EHBP1: variants seen among roughly 807,000 people sequenced by gnomAD.
EHBP1 encodes EH domain-binding protein 1.
In EHBP1, 55 loss-of-function variants were observed where a neutral mutation model predicts 144.0. The observed-to-expected ratio is 0.38, with a 90% CI of 0.31 to 0.48. The LOEUF (loss-of-function observed/expected upper bound fraction) is 0.48. EHBP1 is among the 20% of genes least tolerant of loss of function. The probability of loss-of-function intolerance (pLI) is 0.98; values close to 1 mark genes in which losing one functional copy is unlikely to be tolerated. For synonymous variants in EHBP1, 469 were observed against 472.7 expected, an observed-to-expected ratio of 0.99 and a Z score of 0.10; for missense variants, 1,200 against 1,364.2, an observed-to-expected ratio of 0.88 and a Z score of 1.90.
At chr2:62,787,397 C>CT (rs1027502155) in intron 5 of EHBP1, among the ~76,000 whole-genome samples, 1 of 106,070 alleles carries the variant, frequency 9.4e-6, no homozygotes, top group Non-Finnish European at 1.9e-5. Flanking sequence ...CACCGCTGCC[C>CT]CCCCCCCCCA....
chr2:62,726,434 T>C (rs1414523012), intron 2 of EHBP1, among the ~76,000 whole-genome samples: 2 of 152,210 alleles, frequency 1.3e-5, no homozygotes, highest in South Asian at 2.1e-4. Context: ...TCATCCCAGC[T>C]TCTGTGTCTT....
intron 21 of EHBP1, chr2:63,044,493 A>T (rs2061844733): frequency 6.6e-6 from 1 of 152,144 alleles, no homozygotes. Flanking sequence ...GAAAAATGCT[A>T]ATTAGCCGAT....
chr2:62,924,037 C>A (rs1276012748), intron 10 of EHBP1, among the ~76,000 whole-genome samples: 1 of 152,142 alleles, frequency 6.6e-6, no homozygotes, highest in African/African-American at 2.4e-5. Flanking sequence ...AGCTTGTACC[C>A]ATATCCCAAG....
Position 62,827,756 on chromosome 2 carries a change from C to G in EHBP1, c.494+1488C>G, listed in dbSNP as rs368026076. Among the ~76,000 whole-genome samples the G allele has an allele frequency of 6.6e-5, 10 of 152,140 alleles. No individual in the cohort carries two copies. The East Asian group carries it at 1.2e-3, about 18-fold the overall frequency. On this transcript the variant is annotated intron_variant, in intron 6 of 22. Transcript: ENST00000431489. ...GATCTCGGCTCACTGCAACCTCCAC[C>G]TCCTGGGTTCAAGTGATTTTCCTGC...
intron 10 of EHBP1, among the ~76,000 whole-genome samples, chr2:62,924,780 G>T (rs2055361153): frequency 6.6e-6 from 1 of 152,122 alleles, no homozygotes; most frequent in African/African-American, 2.4e-5. Flanking sequence ...CCTTAAAGAA[G>T]AATTAATACC....
intron 19 of EHBP1, among the ~76,000 whole-genome samples, chr2:63,015,175 A>T (rs1405089510): frequency 6.6e-6 from 1 of 152,164 alleles, no homozygotes; most frequent in African/African-American, 2.4e-5. Context: ...TCTTATCCTG[A>T]AAAATTATAT....
chr2:62,765,288 T>C (rs2041088425), intron 4 of EHBP1, among the ~76,000 whole-genome samples: 1 of 152,202 alleles, frequency 6.6e-6, no homozygotes, highest in Admixed American at 6.5e-5. Context: ...CTTGGTCTCA[T>C]TAAAATTATT....
At chr2:62,684,680 A>G (rs563143672) in intron 1 of EHBP1, among the ~76,000 whole-genome samples, 2 of 152,248 alleles carry the variant, frequency 1.3e-5, no homozygotes, top group Non-Finnish European at 1.5e-5. Flanking sequence ...TTTCATGCTA[A>G]AAAATATTAA....
chr2:63,018,148 C>A (rs910498852), intron 19 of EHBP1, among the ~76,000 whole-genome samples: 1 of 152,136 alleles, frequency 6.6e-6, no homozygotes, highest in African/African-American at 2.4e-5. Flanking sequence ...CAGAATGAGA[C>A]CTTGTCTCTA....
At chr2:62,957,834 G>A (rs560157975) in intron 14 of EHBP1, among the ~76,000 whole-genome samples, 17 of 151,702 alleles carry the variant, frequency 1.1e-4, no homozygotes, top group Non-Finnish European at 2.1e-4. Flanking sequence ...TTTTAGTAGA[G>A]ACAGGGTTTC....
chr2:62,883,409 G>T (rs138428990), intron 10 of EHBP1, among the ~76,000 whole-genome samples: 1 of 152,284 alleles, frequency 6.6e-6, no homozygotes, highest in Non-Finnish European at 1.5e-5. Flanking sequence ...GAGAAGTTTA[G>T]CACCATGCTT....
At chr2:62,709,275 G>T (rs1396173671) in intron 2 of EHBP1, among the ~76,000 whole-genome samples, 1 of 152,114 alleles carries the variant, frequency 6.6e-6, no homozygotes, top group Non-Finnish European at 1.5e-5. Flanking sequence ...GCAAGATGGG[G>T]ATGAGGGAGA....
intron 3 of EHBP1, among the ~76,000 whole-genome samples, chr2:62,747,819 T>G (rs1370885629): frequency 6.6e-6 from 1 of 151,912 alleles, no homozygotes; most frequent in African/African-American, 2.4e-5. Context: ...TAAGAAGTGA[T>G]TAGGGTAAGG....
At position 62,865,062 on chromosome 2, in the gene EHBP1, T is replaced by C; in HGVS notation, c.998+91T>C. ...TAATGTACCTTTAGATGGGTACAAA[T>C]CATTAATGTACACTTTATAAGTCAG... On this transcript the variant is annotated intron_variant, in intron 9 of 22. Coordinates refer to ENST00000431489, the MANE Select transcript of EHBP1 (RefSeq NM_001142616.3). 4 of 1,352,700 alleles carry C rather than the reference T, an allele frequency of 3.0e-6. No homozygotes were observed. The South Asian group carries it at 5.4e-5, about 18-fold the overall frequency. 83.8% of individuals were successfully genotyped at this position (1,352,700 alleles called of 1,614,324 possible).
At chr2:62,790,037 A>G (rs2043070275) in intron 5 of EHBP1, among the ~76,000 whole-genome samples, 1 of 152,192 alleles carries the variant, frequency 6.6e-6, no homozygotes, top group Non-Finnish European at 1.5e-5. Context: ...AGGCCTTATT[A>G]AATAGTTTCA....
intron 14 of EHBP1, among the ~76,000 whole-genome samples, chr2:62,974,480 A>G (rs2058630291): frequency 1.3e-5 from 2 of 152,146 alleles, no homozygotes; most frequent in Admixed American, 1.3e-4. Flanking sequence ...CTTTGCGTAT[A>G]CCCTTCCAAA....
intron 6 of EHBP1, among the ~76,000 whole-genome samples, chr2:62,828,066 C>T (rs1265551573): frequency 6.6e-6 from 1 of 152,086 alleles, no homozygotes; most frequent in Non-Finnish European, 1.5e-5. Flanking sequence ...CTTTTTTGCT[C>T]ATGCAAACTT....
chr2:62,725,334 G>A (rs552630124), intron 2 of EHBP1, among the ~76,000 whole-genome samples: 5 of 152,314 alleles, frequency 3.3e-5, no homozygotes, highest in South Asian at 4.1e-4. Context: ...CATTGGTTGC[G>A]GCAGTGTGCT....
chr2:62,751,243 A>T (rs567508000), intron 3 of EHBP1, among the ~76,000 whole-genome samples: 1 of 152,154 alleles, frequency 6.6e-6, no homozygotes, highest in Non-Finnish European at 1.5e-5. Flanking sequence ...TGAGATAATC[A>T]TGTGGTTTTT....
Sources: allele counts gnomAD v4.1 joint callset (sites outside exome capture counted in the v4.1 genomes callset), GRCh38; gene constraint gnomAD v4.1.1; transcripts MANE v1.5; gene names NCBI Gene and HGNC (gene_info 2026-07-23, HGNC 2026-07-21).